Variants in ADAMTS17 observed in about 807,000 individuals in gnomAD.
ADAMTS17 encodes the protein A disintegrin and metalloproteinase with thrombospondin motifs 17.
In ADAMTS17, 113 loss-of-function variants were observed where a neutral mutation model predicts 141.5. The ratio of observed to expected loss-of-function variants is 0.80; its 90% CI spans 0.69 to 0.93. ADAMTS17 has a LOEUF of 0.93. Among genes scored for constraint, ADAMTS17 ranks in the 40% least tolerant of loss-of-function variants. The probability of loss-of-function intolerance (pLI) is 0.00; values close to 1 mark genes in which losing one functional copy is unlikely to be tolerated. For missense variants in ADAMTS17, 1,659 were observed against 1,517.9 expected (o/e 1.09, Z -1.54); for synonymous variants, 768 against 630.6 (o/e 1.22, Z -3.27).
At position 100,218,774 on chromosome 15, in the gene ADAMTS17, GAATA is replaced by G. The variant is rs199832121; in HGVS notation, c.1076-19355_1076-19352del. On this transcript the variant is annotated intron_variant, in intron 7 of 21. Coordinates refer to ENST00000268070, the MANE Select transcript of ADAMTS17 (RefSeq NM_139057.4). ...CGTGTCCCCATAAAAACTCAAACAT[GAATA>G]TTTATGGAAACATTGTTCACAATAT... Among the ~76,000 whole-genome samples, 216 of 152,096 alleles carry G rather than the reference GAATA, an allele frequency of 1.4e-3. 2 individuals are homozygous for G. The East Asian group carries it at 0.027, about 19-fold the overall frequency.
chr15:100,139,402 G>T (rs763251037), intron 10 of ADAMTS17, among the ~76,000 whole-genome samples: 32 of 152,116 alleles, frequency 2.1e-4, no homozygotes, highest in Non-Finnish European at 1.0e-4. Flanking sequence ...ATGTCCGAAG[G>T]CATTTTTTGG....
In ADAMTS17 at chr15:100,072,786, T is replaced by C. The variant is rs970015065; in HGVS notation, c.2138-18732A>G. 1.6e-4 allele frequency among the ~76,000 whole-genome samples: 25 copies of C among 152,116 alleles called. No homozygotes were observed. The East Asian group carries it at 1.9e-3, about 12-fold the overall frequency. ...ATGGATTAAAGACTTAAATGTTAGA[T>C]CTAAAACCATAAAAACCCTAGAAGA... On this transcript the variant is annotated intron_variant, in intron 15 of 21. Coordinates refer to ENST00000268070, the MANE Select transcript of ADAMTS17 (RefSeq NM_139057.4).
rs1385918798 is a variant in ADAMTS17, at chr15:99,973,711, T to C, written c.*691A>G. ...GATGCTTCCCCAAACCCAGACTCTC[T>C]TGGAACATTCTTCCCATGCGGGTGG... On this transcript the variant is annotated 3_prime_UTR_variant, in exon 22 of 22. Transcript: ENST00000268070. 3 of 156,496 alleles carry C rather than the reference T, an allele frequency of 1.9e-5. No homozygotes were observed. The highest frequency in any genetic ancestry group is 4.2e-5 in the Non-Finnish European group (3 of 70,762). 9.7% of individuals were successfully genotyped at this position (156,496 alleles called of 1,614,324 possible).
At position 100,133,238 on chromosome 15, in the gene ADAMTS17, A is replaced by G; in HGVS notation, c.1551T>C (p.Asp517=). 8 of 1,597,366 alleles carry G rather than the reference A, an allele frequency of 5.0e-6. No homozygotes were observed. Among genetic ancestry groups the G allele is most frequent in the Non-Finnish European group, 6.8e-6 (8 of 1,170,742 alleles). ...CCTTGTCTGCCCCACACTCGGTGCC[A>G]TCCAGGGGAGGGTCCAGCTTGGTCT... The part of the protein sequence containing the change: ...SCKTKLDPPL[D]GTECGADKWC... The change falls in exon 11 of 22, where the codon GAT becomes GAC. Residue 517 remains aspartate, a synonymous_variant. Coordinates refer to ENST00000268070, the MANE Select transcript of ADAMTS17 (RefSeq NM_139057.4).
At chr15:100,308,455 C>T (rs191648992) in intron 3 of ADAMTS17, among the ~76,000 whole-genome samples, 10 of 152,278 alleles carry the variant, frequency 6.6e-5, no homozygotes, top group East Asian at 3.9e-4. Context: ...AAAGTGCCCA[C>T]GTCATTCACG....
intron 7 of ADAMTS17, among the ~76,000 whole-genome samples, chr15:100,222,144 C>T (rs1236158514): frequency 6.6e-6 from 1 of 152,214 alleles, no homozygotes; most frequent in East Asian, 1.9e-4. Context: ...GTGACTATTT[C>T]CTTGTAGCTA....
At chr15:100,306,438 G>A (rs1159041784) in intron 3 of ADAMTS17, 10 of 455,648 alleles carry the variant, frequency 2.2e-5, no homozygotes, top group South Asian at 1.5e-4. Context: ...AAGCTGCAGA[G>A]GCCACAGGTA....
At chr15:100,108,249 G>A (rs62038577) in intron 14 of ADAMTS17, among the ~76,000 whole-genome samples, 13,826 of 151,524 alleles carry the variant, frequency 0.091, 854 homozygotes, top group Non-Finnish European at 0.13. Context: ...TCAGCTCACC[G>A]CAACCTCCGT....
chr15:100,048,077 C>T (rs1455127015), intron 18 of ADAMTS17, among the ~76,000 whole-genome samples: 1 of 152,038 alleles, frequency 6.6e-6, no homozygotes, highest in Non-Finnish European at 1.5e-5. Flanking sequence ...AGCTCTTGTA[C>T]TAGGCAAGCG....
chr15:99,982,990 A>C (rs912747352), intron 20 of ADAMTS17, among the ~76,000 whole-genome samples: 38 of 152,196 alleles, frequency 2.5e-4, no homozygotes, highest in Non-Finnish European at 1.5e-4. Flanking sequence ...GGATTTACTC[A>C]TGTGCTTTTT....
chr15:100,260,201 G>A (rs753744272), intron 6 of ADAMTS17, among the ~76,000 whole-genome samples: 4 of 152,196 alleles, frequency 2.6e-5, no homozygotes, highest in Admixed American at 6.5e-5. Context: ...TGGGGCTGGG[G>A]TCACAGAACT....
In ADAMTS17 at chr15:100,272,080, T is replaced by C. The variant is rs77634023; in HGVS notation, c.789+9149A>G. Among the ~76,000 whole-genome samples the C allele has an allele frequency of 7.2e-3, 1,097 of 152,310 alleles. 10 individuals are homozygous for C. The highest frequency in any genetic ancestry group is 0.022 in the African/African-American group (895 of 41,568). On this transcript the variant is annotated intron_variant, in intron 4 of 21. Coordinates refer to ENST00000268070, the MANE Select transcript of ADAMTS17 (RefSeq NM_139057.4). ...ATTTTACTGATCTTTGGGTTTGTCT[T>C]TATGTCAGTAAAGTGTTTTGATTAT...
intron 8 of ADAMTS17, among the ~76,000 whole-genome samples, chr15:100,180,627 GTATT>G (rs1294903542): frequency 6.6e-6 from 1 of 152,126 alleles, no homozygotes; most frequent in African/African-American, 2.4e-5. Flanking sequence ...TGTTTTAACA[GTATT>G]TATTCTTACA....
chr15:100,153,313 G>A (rs886085330), intron 9 of ADAMTS17, among the ~76,000 whole-genome samples: 8 of 152,132 alleles, frequency 5.3e-5, no homozygotes, highest in Admixed American at 2.0e-4. Flanking sequence ...TGGGGTGGGA[G>A]CATTCATTCA....
intron 15 of ADAMTS17, among the ~76,000 whole-genome samples, chr15:100,061,723 C>T (rs929246275): frequency 6.6e-5 from 10 of 152,212 alleles, no homozygotes; most frequent in African/African-American, 1.7e-4. Flanking sequence ...TCTCAGAAGC[C>T]GGGGTCGGAA....
chr15:100,218,964 T>C (rs1044322372), intron 7 of ADAMTS17, among the ~76,000 whole-genome samples: 5 of 152,290 alleles, frequency 3.3e-5, no homozygotes, highest in South Asian at 2.1e-4. Context: ...AACATGTATA[T>C]GCAATGGAAT....
intron 7 of ADAMTS17, among the ~76,000 whole-genome samples, chr15:100,231,552 G>A (rs908217645): frequency 1.6e-4 from 25 of 152,144 alleles, no homozygotes; most frequent in Non-Finnish European, 5.9e-5. Flanking sequence ...TCCACTGACC[G>A]CCTGTAATCA....
rs112041215 is a variant in ADAMTS17, at chr15:100,169,958, G to T, written c.1182-14638C>A. On this transcript the variant is annotated intron_variant, in intron 8 of 21. Transcript: ENST00000268070. ...CAGGGCATTCAGGAGGCGGGGTTCA[G>T]GGTTGGTTCCCTTCTTCCCGGACAC... 5.7e-3 allele frequency among the ~76,000 whole-genome samples: 872 copies of T among 152,276 alleles called. 12 individuals are homozygous for T. Among genetic ancestry groups the T allele is most frequent in the African/African-American group, 0.019 (797 of 41,560 alleles).
At chr15:100,168,830 G>C (rs979903764) in intron 8 of ADAMTS17, 1 of 152,172 alleles carries the variant, frequency 6.6e-6, no homozygotes, top group South Asian at 2.1e-4. Flanking sequence ...CCCCAGCCCC[G>C]CAACAATGTC....
Sources: gnomAD v4.1 joint callset for allele counts (sites outside exome capture counted in the v4.1 genomes callset) on GRCh38, gnomAD v4.1.1 for gene constraint, MANE v1.5 for transcripts, NCBI Gene and HGNC (gene_info 2026-07-23, HGNC 2026-07-21) for gene names.